Variants in MTPN observed in about 807,000 individuals in gnomAD.
MTPN encodes the protein granule cell differentiation protein.
A neutral mutation model predicts 13.5 loss-of-function variants in MTPN; 2 were observed. The ratio of observed to expected loss-of-function variants is 0.15; its 90% CI spans 0.06 to 0.47. MTPN has a LOEUF of 0.47. Ranked by LOEUF, MTPN falls within the 20% of genes least tolerant of loss-of-function variation. The pLI, the probability that MTPN is intolerant of heterozygous loss-of-function variation, is 0.97. For missense variants in MTPN, 79 were observed against 137.9 expected (o/e 0.57, Z 2.14); for synonymous variants, 46 against 51.7 (o/e 0.89, Z 0.48).
At chr7:135,932,027 A>C (rs1487028299) in intron 3 of MTPN, among the ~76,000 whole-genome samples, 1 of 152,138 alleles carries the variant, frequency 6.6e-6, no homozygotes, top group Non-Finnish European at 1.5e-5. Flanking sequence ...AGTTGTTCAC[A>C]ACAGTTAACA....
chr7:135,950,160 C>A (rs755366621), intron 3 of MTPN, among the ~76,000 whole-genome samples: 3 of 152,166 alleles, frequency 2.0e-5, no homozygotes, highest in African/African-American at 7.2e-5. Flanking sequence ...CTTGGAGAGT[C>A]CTTACTTAAC....
intron 1 of MTPN, among the ~76,000 whole-genome samples, chr7:135,970,437 A>C (rs921850495): frequency 1.3e-5 from 2 of 152,138 alleles, no homozygotes; most frequent in African/African-American, 4.8e-5. Flanking sequence ...TAAATAGTAA[A>C]ATTTTGGCCA....
intron 1 of MTPN, among the ~76,000 whole-genome samples, chr7:135,956,018 A>G (rs1214031363): frequency 2.0e-5 from 3 of 152,210 alleles, no homozygotes; most frequent in African/African-American, 4.8e-5. Context: ...TACCACTTCA[A>G]TGTTGCACTA....
chr7:135,958,705 C>T (rs1246123252), intron 1 of MTPN, among the ~76,000 whole-genome samples: 1 of 152,160 alleles, frequency 6.6e-6, no homozygotes, highest in Non-Finnish European at 1.5e-5. Context: ...AGTCACAACA[C>T]ACTGTAACTA....
intron 3 of MTPN, among the ~76,000 whole-genome samples, chr7:135,942,296 T>G (rs1799227499): frequency 6.6e-6 from 1 of 152,200 alleles, no homozygotes; most frequent in Non-Finnish European, 1.5e-5. Flanking sequence ...CAGGGAACCC[T>G]CATTCCTACA....
Position 135,976,772 on chromosome 7 carries a change from C to G in MTPN, c.72+257G>C, listed in dbSNP as rs138433625. On this transcript the variant is annotated intron_variant, in intron 1 of 3. Transcript: ENST00000393085. ...AGCCAGACACCACTCCTCCCCTCCC[C>G]CAAGAGGCCAGGAAGTCAGGTAGCG... Among the ~76,000 whole-genome samples, 22 of 152,294 alleles carry G rather than the reference C, an allele frequency of 1.4e-4. No individual in the cohort carries two copies. In the East Asian group the frequency reaches 2.7e-3, roughly 19 times the overall value.
chr7:135,949,255 C>G (rs947619168), intron 3 of MTPN, among the ~76,000 whole-genome samples: 12 of 152,094 alleles, frequency 7.9e-5, no homozygotes, highest in Non-Finnish European at 1.8e-4. Context: ...GTTTTTGATA[C>G]AGTAAGCAAA....
chr7:135,962,048 T>C (rs1022802767), intron 1 of MTPN, among the ~76,000 whole-genome samples: 1 of 151,882 alleles, frequency 6.6e-6, no homozygotes, highest in Non-Finnish European at 1.5e-5. Context: ...GATTAATAAT[T>C]AATGAGATTG....
chr7:135,954,861 T>G (rs1386842513), intron 1 of MTPN, among the ~76,000 whole-genome samples: 1 of 152,178 alleles, frequency 6.6e-6, no homozygotes, highest in Non-Finnish European at 1.5e-5. Flanking sequence ...GACAATGGCA[T>G]GAACCTGGGA....
At chr7:135,972,062 G>A (rs149513306) in intron 1 of MTPN, among the ~76,000 whole-genome samples, 2 of 152,108 alleles carry the variant, frequency 1.3e-5, no homozygotes, top group African/African-American at 2.4e-5. Flanking sequence ...TTTAAAATAC[G>A]GTTGCCATTT....
At chr7:135,964,810 G>C (rs1450414032) in intron 1 of MTPN, among the ~76,000 whole-genome samples, 1 of 151,900 alleles carries the variant, frequency 6.6e-6, no homozygotes, top group African/African-American at 2.4e-5. Flanking sequence ...CCCAAAATAA[G>C]TTTTATATTA....
At chr7:135,970,969 C>T (rs940521909) in intron 1 of MTPN, among the ~76,000 whole-genome samples, 9 of 152,050 alleles carry the variant, frequency 5.9e-5, no homozygotes, top group African/African-American at 2.2e-4. Context: ...GGGAAGCTGC[C>T]TAAAACCAAT....
At chr7:135,972,231 G>GCGCGCGCACACACACA (rs779296906) in intron 1 of MTPN, among the ~76,000 whole-genome samples, 13 of 124,718 alleles carry the variant, frequency 1.0e-4, no homozygotes, top group African/African-American at 3.9e-4. Flanking sequence ...GCACGCGCGC[G>GCGCGCGCACACACACA]CACACACACA....
At chr7:135,959,563 A>G (rs1799492356) in intron 1 of MTPN, among the ~76,000 whole-genome samples, 1 of 152,160 alleles carries the variant, frequency 6.6e-6, no homozygotes, top group Admixed American at 6.5e-5. Flanking sequence ...CGACCTGATG[A>G]TATTATTCTC....
chr7:135,937,753 T>C (rs1799139672), intron 3 of MTPN, among the ~76,000 whole-genome samples: 1 of 152,112 alleles, frequency 6.6e-6, no homozygotes, highest in African/African-American at 2.4e-5. Flanking sequence ...CTCTTCCTCC[T>C]CTGAGACAGC....
intron 3 of MTPN, among the ~76,000 whole-genome samples, chr7:135,930,553 T>C (rs1799004071): frequency 6.6e-6 from 1 of 152,154 alleles, no homozygotes; most frequent in Non-Finnish European, 1.5e-5. Context: ...TGTAGGGAAA[T>C]ATTCAGTGCA....
At chr7:135,958,574 TC>T (rs777004469) in intron 1 of MTPN, among the ~76,000 whole-genome samples, 44 of 152,310 alleles carry the variant, frequency 2.9e-4, no homozygotes, top group Non-Finnish European at 5.7e-4. Context: ...ACCTTGCTGA[TC>T]AGTCCATTCC....
intron 1 of MTPN, among the ~76,000 whole-genome samples, chr7:135,966,818 T>C (rs1799614795): frequency 6.6e-6 from 1 of 152,168 alleles, no homozygotes; most frequent in South Asian, 2.1e-4. Context: ...TTTGTTGCGG[T>C]GAGCACCAGA....
At chr7:135,931,973 T>C (rs1799028302) in intron 3 of MTPN, among the ~76,000 whole-genome samples, 1 of 152,212 alleles carries the variant, frequency 6.6e-6, no homozygotes, top group African/African-American at 2.4e-5. Context: ...GCTCTTTTAC[T>C]TATTTTAAAT....
Sources: allele counts gnomAD v4.1 joint callset (sites outside exome capture counted in the v4.1 genomes callset), GRCh38; gene constraint gnomAD v4.1.1; transcripts MANE v1.5; gene names NCBI Gene and HGNC (gene_info 2026-07-23, HGNC 2026-07-21).